GPC5: variants seen among roughly 807,000 people sequenced by gnomAD.
GPC5 encodes glypican-5.
GPC5 carries 47 observed loss-of-function variants against 53.9 expected under a neutral mutation model. That is an observed-to-expected ratio of 0.87 (90% CI 0.69 to 1.11). The LOEUF (loss-of-function observed/expected upper bound fraction) is 1.11. Ranked by LOEUF, GPC5 falls within the 50% of genes most tolerant of loss-of-function variation. The probability of loss-of-function intolerance (pLI) is 0.00; values close to 1 mark genes in which losing one functional copy is unlikely to be tolerated. For missense variants in GPC5, 748 were observed against 713.1 expected (o/e 1.05, Z -0.56); for synonymous variants, 286 against 263.3 (o/e 1.09, Z -0.84).
At chr13:91,580,567 T>C (rs1284932283) in intron 2 of GPC5, among the ~76,000 whole-genome samples, 2 of 152,228 alleles carry the variant, frequency 1.3e-5, no homozygotes, top group Non-Finnish European at 2.9e-5. Context: ...TCTTCCACTT[T>C]ACTTACATCA....
chr13:91,766,045 C>G (rs1209419306), intron 5 of GPC5, among the ~76,000 whole-genome samples: 4 of 152,228 alleles, frequency 2.6e-5, no homozygotes, highest in Non-Finnish European at 5.9e-5. Flanking sequence ...ACTGTCTACT[C>G]TTTCACAAAC....
At chr13:92,042,912 A>T (rs969311596) in intron 6 of GPC5, among the ~76,000 whole-genome samples, 2 of 152,198 alleles carry the variant, frequency 1.3e-5, no homozygotes, top group African/African-American at 4.8e-5. Flanking sequence ...TTTGTAAACA[A>T]TACAAATTAT....
chr13:92,322,268 A>G (rs1269637147), intron 7 of GPC5, among the ~76,000 whole-genome samples: 1 of 140,590 alleles, frequency 7.1e-6, no homozygotes, highest in Non-Finnish European at 1.5e-5. Flanking sequence ...TAGATGGTGA[A>G]TGGGGGAAAA....
At chr13:91,869,552 C>A (rs749283210) in intron 5 of GPC5, among the ~76,000 whole-genome samples, 2 of 152,050 alleles carry the variant, frequency 1.3e-5, no homozygotes, top group Admixed American at 1.3e-4. Flanking sequence ...GTAACTTATA[C>A]GTTTTCTCCT....
intron 6 of GPC5, among the ~76,000 whole-genome samples, chr13:91,909,750 A>G (rs1038701215): frequency 6.6e-6 from 1 of 152,136 alleles, no homozygotes; most frequent in African/African-American, 2.4e-5. Context: ...AAGAACACAT[A>G]GATACCCAAT....
chr13:92,664,819 A>T (rs771862376), intron 7 of GPC5, among the ~76,000 whole-genome samples: 2 of 152,168 alleles, frequency 1.3e-5, no homozygotes, highest in Non-Finnish European at 1.5e-5. Context: ...CAATGGCACC[A>T]CTAATAATTT....
intron 2 of GPC5, among the ~76,000 whole-genome samples, chr13:91,578,553 G>A (rs11839960): frequency 0.062 from 9,389 of 152,038 alleles, 946 homozygotes; most frequent in African/African-American, 0.21. Flanking sequence ...TGACCCTAAT[G>A]CAGTCCCTGT....
intron 6 of GPC5, among the ~76,000 whole-genome samples, chr13:92,128,717 C>A (rs538336683): frequency 3.9e-5 from 6 of 152,264 alleles, no homozygotes; most frequent in African/African-American, 1.4e-4. Context: ...GTAATCCCAG[C>A]ACTTTGGGAA....
chr13:92,008,658 G>A (rs570603231), intron 6 of GPC5, among the ~76,000 whole-genome samples: 2 of 152,046 alleles, frequency 1.3e-5, no homozygotes, highest in Admixed American at 6.5e-5. Context: ...GGAAGAAGCC[G>A]GCAGTAATTC....
At chr13:92,314,452 C>T (rs1226637554) in intron 7 of GPC5, among the ~76,000 whole-genome samples, 1 of 152,206 alleles carries the variant, frequency 6.6e-6, no homozygotes, top group Non-Finnish European at 1.5e-5. Flanking sequence ...ATGGCAGTTA[C>T]TGAATAGTAA....
At chr13:92,131,240 A>G (rs2041740571) in intron 6 of GPC5, among the ~76,000 whole-genome samples, 1 of 152,016 alleles carries the variant, frequency 6.6e-6, no homozygotes, top group Non-Finnish European at 1.5e-5. Flanking sequence ...ATGTGAATGT[A>G]AATCTGAAAA....
At chr13:91,920,926 CTTTTTTTTTTTT>C (rs869309251) in intron 6 of GPC5, among the ~76,000 whole-genome samples, 2 of 32,162 alleles carry the variant, frequency 6.2e-5, no homozygotes, top group Admixed American at 4.1e-4. Flanking sequence ...CTCTCTCTCT[CTTTTTTTTTTTT>C]TTTTTTTTTT....
chr13:92,151,237 G>C (rs977983869), intron 7 of GPC5, among the ~76,000 whole-genome samples: 1 of 152,040 alleles, frequency 6.6e-6, no homozygotes, highest in Non-Finnish European at 1.5e-5. Context: ...TGATCCCAGA[G>C]CCTCTCAAAC....
chr13:91,720,706 T>C (rs915813405), intron 3 of GPC5, among the ~76,000 whole-genome samples: 3 of 152,182 alleles, frequency 2.0e-5, no homozygotes, highest in African/African-American at 7.2e-5. Flanking sequence ...GGAAGCCAAA[T>C]ATGTCCAAGA....
intron 7 of GPC5, among the ~76,000 whole-genome samples, chr13:92,555,576 C>A (rs1882466057): frequency 6.7e-6 from 1 of 150,172 alleles, no homozygotes; most frequent in Non-Finnish European, 1.5e-5. Flanking sequence ...TGAAAATGTC[C>A]TCTGTTTATA....
chr13:92,089,187 C>G (rs998282816), intron 6 of GPC5, among the ~76,000 whole-genome samples: 13 of 152,318 alleles, frequency 8.5e-5, no homozygotes, highest in African/African-American at 3.1e-4. Flanking sequence ...GTAATCCCAG[C>G]ACTTTGGGAG....
At chr13:92,176,029 G>A (rs2042107106) in intron 7 of GPC5, among the ~76,000 whole-genome samples, 1 of 152,140 alleles carries the variant, frequency 6.6e-6, no homozygotes, top group African/African-American at 2.4e-5. Flanking sequence ...TTATCATGAA[G>A]TTTGCTCCTT....
intron 7 of GPC5, among the ~76,000 whole-genome samples, chr13:92,846,242 T>C (rs182942539): frequency 1.4e-3 from 210 of 152,266 alleles, no homozygotes; most frequent in Non-Finnish European, 2.1e-3. Context: ...TCACTCACTA[T>C]CATAATAGCC....
intron 7 of GPC5, among the ~76,000 whole-genome samples, chr13:92,501,473 G>A (rs1229478962): frequency 6.6e-6 from 1 of 152,052 alleles, no homozygotes; most frequent in East Asian, 1.9e-4. Flanking sequence ...GTTTATGATT[G>A]GCACTACTGG....
Sources: allele counts gnomAD v4.1 joint callset (sites outside exome capture counted in the v4.1 genomes callset), GRCh38; gene constraint gnomAD v4.1.1; transcripts MANE v1.5; gene names NCBI Gene and HGNC (gene_info 2026-07-23, HGNC 2026-07-21).